Variants in WDR18 observed in about 807,000 individuals in gnomAD.
The protein encoded by WDR18 is WD repeat-containing protein 18.
Under a neutral mutation model 49.6 loss-of-function variants are expected in WDR18, and 33 were observed. The ratio of observed to expected loss-of-function variants is 0.67; its 90% confidence interval spans 0.50 to 0.89. The LOEUF is 0.89. WDR18 is among the 40% of genes least tolerant of loss of function. The pLI is 0.00. For synonymous variants in WDR18, 315 were observed against 263.6 expected (o/e 1.19, Z -1.89); for missense variants, 653 against 593.6 (o/e 1.10, Z -1.04).
chr19:988,228 C>T (rs1178029716), intron 2 of WDR18, among the ~76,000 whole-genome samples: 6 of 152,174 alleles, frequency 3.9e-5, no homozygotes, highest in African/African-American at 1.2e-4. Context: ...CCCCCTGCCA[C>T]GGTCGAAATC....
chr19:992,252 TCC>T, intron 8 of WDR18, 131 bp downstream of exon 8: 2 of 1,154,814 alleles, frequency 1.7e-6, no homozygotes, highest in Non-Finnish European at 2.3e-6. Context: ...GGAGGGCGCG[TCC>T]TGTGAGTGGG....
At chr19:992,220 G>C (rs1362001923) in intron 8 of WDR18, 99 bp downstream of exon 8, 39 of 1,348,532 alleles carry the variant, frequency 2.9e-5, no homozygotes, top group Non-Finnish European at 3.7e-5. Context: ...CCCGTGCGGC[G>C]GTTCCCCACA....
At position 994,269 on chromosome 19, in the gene WDR18, G is replaced by A. The variant is rs1447151718; in HGVS notation, c.1224G>A (p.Glu408=). ...TCCGTGTGACGGAGCTGGAGGACGA[G>A]GTGCGCAACCTGCGCAAGATCAATC... ...LRVRVTELED[E]VRNLRKINRD... is the part of the protein sequence containing the mutation. The change falls in exon 10 of 10, where the codon GAG becomes GAA. Residue 408 remains glutamate, a synonymous_variant. Coordinates refer to ENST00000585809, the MANE Select transcript of WDR18 (RefSeq NM_024100.4). The A allele has an allele frequency of 1.9e-6, 3 of 1,609,802 alleles. No homozygotes were observed. The highest frequency in any genetic ancestry group is 1.1e-5 in the South Asian group (1 of 90,694).
chr19:994,198 CG>C lies in WDR18; in HGVS notation c.1168-14del. On this transcript the variant is annotated splice_polypyrimidine_tract_variant and intron_variant, in intron 9 of 9. Coordinates refer to ENST00000585809, the MANE Select transcript of WDR18 (RefSeq NM_024100.4). ...CCAGGCCACTTCTGCCCTCTGACCCCGACTTCTCCCGCAGAGCGTGCTCGGC... is the reference window on the plus strand; with the variant it reads ...CCAGGCCACTTCTGCCCTCTGACCCCACTTCTCCCGCAGAGCGTGCTCGGC... 6.3e-7 allele frequency: 1 copy of C among 1,590,320 alleles called. No homozygotes were observed. The highest frequency in any genetic ancestry group is 8.5e-7 in the Non-Finnish European group (1 of 1,171,362).
In WDR18 at chr19:991,851, G is replaced by T. The variant is rs1599448368; in HGVS notation, c.932-104G>T. The T allele has an allele frequency of 1.6e-6, 2 of 1,280,558 alleles. 1 individual carries two copies. The highest frequency in any genetic ancestry group is 3.4e-5 in the African/African-American group (2 of 59,600). 79.3% of individuals were successfully genotyped at this position (1,280,558 alleles called of 1,614,324 possible). A position where few individuals can be genotyped will look rare whatever the true frequency, so the allele number is the denominator to read the frequency against. ...GGGGCGTGGACTGGCTGTGGGGCGGGGACTGGCTGGGGGCGGGGACTGCCC... is the reference window on the plus strand; with the variant it reads ...GGGGCGTGGACTGGCTGTGGGGCGGTGACTGGCTGGGGGCGGGGACTGCCC... On this transcript the variant is annotated intron_variant, in intron 7 of 9. Coordinates refer to ENST00000585809, the MANE Select transcript of WDR18 (RefSeq NM_024100.4).
In WDR18 at chr19:991,245, G is replaced by A. The variant is rs755097490; in HGVS notation, c.825G>A (p.Leu275=). The part of the protein sequence containing the change: ...FKGHRNQVTC[L]SVSTDGSVLL... ...TGTCCAGGAACCAGGTGACTTGCCTGTCAGTGTCCACTGACGGCAGCGTGC... is the reference window on the plus strand; with the variant it reads ...TGTCCAGGAACCAGGTGACTTGCCTATCAGTGTCCACTGACGGCAGCGTGC... The change falls in exon 7 of 10, where the codon CTG becomes CTA. Residue 275 remains leucine, a synonymous_variant. Coordinates refer to ENST00000585809, the MANE Select transcript of WDR18 (RefSeq NM_024100.4). 8.9e-6 allele frequency: 14 copies of A among 1,574,490 alleles called. No homozygotes were observed. The South Asian group carries it at 1.5e-4, about 17-fold the overall frequency.
At chr19:990,201 G>A (rs1480429713) in intron 3 of WDR18, 22 bp from the exon 4 acceptor site, 1 of 1,587,546 alleles carries the variant, frequency 6.3e-7, no homozygotes, top group Non-Finnish European at 8.5e-7. Context: ...CGCCTGCTGA[G>A]CACCTGCCCC....
chr19:984,796 G>A (rs1353214728), intron 1 of WDR18, among the ~76,000 whole-genome samples: 1 of 152,032 alleles, frequency 6.6e-6, no homozygotes, highest in Non-Finnish European at 1.5e-5. Flanking sequence ...TATGGGGGCA[G>A]TGGGGGAAAA....
At chr19:991,823 CTGGGGGCGTGGACTGGCTG>C (rs2038558116) in intron 7 of WDR18, 113 bp from the exon 8 acceptor site, 1 of 927,260 alleles carries the variant, frequency 1.1e-6, no homozygotes, top group African/African-American at 2.9e-5. Context: ...CGGGGCCTGG[CTGGGGGCGTGGACTGGCTG>C]TGGGGCGGGG....
intron 8 of WDR18, among the ~76,000 whole-genome samples, chr19:992,432 C>T (rs1258038480): frequency 6.6e-6 from 1 of 152,240 alleles, no homozygotes; most frequent in African/African-American, 2.4e-5. Context: ...TGCAAAAGGC[C>T]GATGCCCCAT....
rs550149186 is a variant in WDR18 at position 984,376 on chromosome 19, C to T, written c.23C>T (p.Ala8Val). 5 of 1,595,204 alleles carry T rather than the reference C, an allele frequency of 3.1e-6. No homozygotes were observed. Among genetic ancestry groups the T allele is most frequent in the African/African-American group, 2.8e-5 (2 of 72,726 alleles). ...AAGATGGCGGCGCCCATGGAGGTGG[C>T]CGTGTGTACGGACTCGGCGGCCCCG... MAAPMEV[A>V]VCTDSAAPMW... Residue 8 changes from alanine (A) to valine (V), a missense_variant, in exon 1 of 10, where the codon GCC (alanine) becomes GTC (valine). By Grantham distance (64) the Ala-to-Val change is moderately conservative (BLOSUM62 0). Transcript: ENST00000585809.
chr19:984,349 G>T lies in WDR18; in HGVS notation c.-5G>T. 6.3e-7 allele frequency: 1 copy of T among 1,589,048 alleles called. No homozygotes were observed. The highest frequency in any genetic ancestry group is 8.5e-7 in the Non-Finnish European group (1 of 1,170,032). ...ACGCACGTCCGGGGCGGTGGGGAAG[G>T]CAAGATGGCGGCGCCCATGGAGGTG... On this transcript the variant is annotated 5_prime_UTR_variant, in exon 1 of 10. Transcript: ENST00000585809.
intron 2 of WDR18, among the ~76,000 whole-genome samples, chr19:989,199 C>G (rs1471673213): frequency 1.5e-5 from 2 of 132,502 alleles, no homozygotes; most frequent in Non-Finnish European, 3.3e-5. Context: ...CACAACCCCC[C>G]CCAGAGCATC....
In WDR18 at chr19:989,850, T is replaced by C. The variant is rs776372157; in HGVS notation, c.410T>C (p.Ile137Thr). The stretch of plus-strand genomic sequence containing the variant: ...TTCACAGGGGACAGCAGCCACTTCA[T>C]CTCAGGGGGCAAGGACTGCCTGGTG... ...LQFTGDSSHF[I>T]SGGKDCLVLV... is the part of the protein sequence containing the mutation. Residue 137 changes from isoleucine to threonine, a missense_variant, in exon 3 of 10, where the codon ATC (isoleucine) becomes ACC (threonine). Physicochemically the swap from Ile to Thr is moderately conservative, Grantham distance 89. Transcript: ENST00000585809. 6 of 1,612,644 alleles carry C rather than the reference T, an allele frequency of 3.7e-6. No homozygotes were observed. Among genetic ancestry groups the C allele is most frequent in the Non-Finnish European group, 5.1e-6 (6 of 1,179,726 alleles).
At chr19:984,675 A>G in intron 1 of WDR18, 112 bp downstream of exon 1, 1 of 1,164,870 alleles carries the variant, frequency 8.6e-7, no homozygotes, top group Non-Finnish European at 1.1e-6. Context: ...TGGGGAGGGG[A>G]GGTGGTCTCC....
At position 984,475 on chromosome 19, in the gene WDR18, C is replaced by T; in HGVS notation, c.122C>T (p.Pro41Leu). ...ACCTACCGCGGCGGCCAGGCGGGACCCCGCGGCCTGGCGCTGCTCAATGGC... is the reference window on the plus strand; with the variant it reads ...ACCTACCGCGGCGGCCAGGCGGGACTCCGCGGCCTGGCGCTGCTCAATGGC... ...LLTYRGGQAGPRGLALLNGEY... is the reference protein window; with the variant it reads ...LLTYRGGQAGLRGLALLNGEY... Residue 41 changes from proline to leucine, a missense_variant, in exon 1 of 10, where the codon CCC (proline) becomes CTC (leucine). Physicochemically the swap from Pro to Leu is moderately conservative, Grantham distance 98. Coordinates refer to ENST00000585809, the MANE Select transcript of WDR18 (RefSeq NM_024100.4). 1 of 1,580,552 alleles carries T rather than the reference C, an allele frequency of 6.3e-7. No homozygotes were observed. The highest frequency in any genetic ancestry group is 1.2e-5 in the South Asian group (1 of 86,268).
chr19:987,235 T>C (rs2145504160), intron 2 of WDR18, among the ~76,000 whole-genome samples: 1 of 152,254 alleles, frequency 6.6e-6, no homozygotes, highest in Non-Finnish European at 1.5e-5. Flanking sequence ...CCCAGCTTTT[T>C]GGGAGGCTGA....
Position 990,645 on chromosome 19 carries a change from G to T in WDR18, c.598-207G>T, listed in dbSNP as rs4337411. 338 of 836,958 alleles carry T rather than the reference G, an allele frequency of 4.0e-4. 1 individual carries two copies. The highest frequency in any genetic ancestry group is 2.2e-3 in the Middle Eastern group (6 of 2,742). 51.8% of individuals were successfully genotyped at this position (836,958 alleles called of 1,614,324 possible). Reference sequence around the variant, plus strand: ...CCGGTGGTCCTGGGAGGGAGAACCAGGGGTCATCAGCCGGAGACCAAGCTC... The same window carrying T: ...CCGGTGGTCCTGGGAGGGAGAACCATGGGTCATCAGCCGGAGACCAAGCTC... On this transcript the variant is annotated intron_variant, in intron 4 of 9. Transcript: ENST00000585809.
At chr19:984,258 C>A (rs981666449), upstream of WDR18, 10 of 1,320,470 alleles carry the variant, frequency 7.6e-6, no homozygotes, top group Non-Finnish European at 8.9e-6. Context: ...GGTCGGCCAC[C>A]CGCTGGGGCC....
Sources: gnomAD v4.1 joint callset for allele counts (sites outside exome capture counted in the v4.1 genomes callset) on GRCh38, gnomAD v4.1.1 for gene constraint, MANE v1.5 for transcripts, NCBI Gene and HGNC (gene_info 2026-07-23, HGNC 2026-07-21) for gene names.